VSTM4: variants seen among roughly 807,000 people sequenced by gnomAD.
VSTM4 encodes V-set and transmembrane domain containing 4, also known as V-set and transmembrane domain-containing protein 4.
VSTM4 carries 20 observed loss-of-function variants against 36.4 expected under a neutral mutation model. That is an observed-to-expected ratio of 0.55 (90% CI 0.39 to 0.80). The LOEUF (loss-of-function observed/expected upper bound fraction) is 0.80, where lower values mean the gene tolerates loss of function less well. VSTM4 is among the 30% of genes least tolerant of loss of function. The pLI, the probability that VSTM4 is intolerant of heterozygous loss-of-function variation, is 0.00. For synonymous variants in VSTM4, 182 were observed against 173.9 expected, an observed-to-expected ratio of 1.05 and a Z score of -0.37; for missense variants, 392 against 404.5, an observed-to-expected ratio of 0.97 and a Z score of 0.26.
intron 5 of VSTM4, among the ~76,000 whole-genome samples, chr10:49,063,214 C>T (rs1843913323): frequency 6.6e-6 from 1 of 151,876 alleles, no homozygotes; most frequent in African/African-American, 2.4e-5. Flanking sequence ...GTGGTGGGTG[C>T]CTGTAATCCC....
chr10:49,038,616 G>A (rs1465588147), intron 7 of VSTM4, among the ~76,000 whole-genome samples: 9 of 152,124 alleles, frequency 5.9e-5, no homozygotes, highest in African/African-American at 1.7e-4. Context: ...ATTTTACCAC[G>A]ATTTAGCTTC....
At chr10:49,081,397 T>G (rs1039132402) in intron 3 of VSTM4, among the ~76,000 whole-genome samples, 1 of 152,230 alleles carries the variant, frequency 6.6e-6, no homozygotes, top group Non-Finnish European at 1.5e-5. Flanking sequence ...AAAGCTTCCA[T>G]GCCCATGGAG....
chr10:49,100,099 T>A (rs1844640943), intron 2 of VSTM4, among the ~76,000 whole-genome samples: 2 of 152,204 alleles, frequency 1.3e-5, no homozygotes, highest in African/African-American at 2.4e-5. Flanking sequence ...CAATCCCAGT[T>A]GTTTTTTTGA....
intron 1 of VSTM4, among the ~76,000 whole-genome samples, chr10:49,109,746 G>A (rs1307256599): frequency 2.0e-5 from 3 of 152,156 alleles, no homozygotes; most frequent in Admixed American, 1.3e-4. Flanking sequence ...ACAGTGATGC[G>A]GGAGATACTT....
intron 3 of VSTM4, among the ~76,000 whole-genome samples, chr10:49,083,075 C>G (rs1021943019): frequency 1.3e-5 from 2 of 152,264 alleles, no homozygotes; most frequent in African/African-American, 2.4e-5. Flanking sequence ...TGCCCCTCAG[C>G]AGAGTCCAGG....
At chr10:49,091,103 C>A (rs952895115) in intron 2 of VSTM4, among the ~76,000 whole-genome samples, 3 of 152,212 alleles carry the variant, frequency 2.0e-5, no homozygotes, top group Non-Finnish European at 4.4e-5. Flanking sequence ...CAGCTGTTAT[C>A]GGAACTAAAG....
intron 4 of VSTM4, among the ~76,000 whole-genome samples, chr10:49,076,676 A>T (rs569866588): frequency 6.6e-6 from 1 of 152,222 alleles, no homozygotes; most frequent in East Asian, 1.9e-4. Flanking sequence ...CCTGAGAGGA[A>T]GGCAGGAAGG....
intron 5 of VSTM4, among the ~76,000 whole-genome samples, chr10:49,061,933 C>G (rs911043318): frequency 6.6e-6 from 1 of 152,122 alleles, no homozygotes; most frequent in Non-Finnish European, 1.5e-5. Context: ...TGGTTATTTC[C>G]TGTAATTCTC....
intron 5 of VSTM4, among the ~76,000 whole-genome samples, chr10:49,053,898 C>G (rs977157459): frequency 6.6e-6 from 1 of 152,208 alleles, no homozygotes; most frequent in African/African-American, 2.4e-5. Flanking sequence ...GGCAGCCACT[C>G]CAGAACACCA....
At chr10:49,064,803 TACA>T in intron 4 of VSTM4, 67 bp from the exon 5 acceptor site, 2 of 1,540,128 alleles carry the variant, frequency 1.3e-6, no homozygotes, top group Non-Finnish European at 8.9e-7. Flanking sequence ...CTCCAGGAAT[TACA>T]AGGAAATGCC....
chr10:49,061,503 A>C (rs972906007), intron 5 of VSTM4, among the ~76,000 whole-genome samples: 3 of 152,174 alleles, frequency 2.0e-5, no homozygotes, highest in African/African-American at 7.2e-5. Context: ...AACCAAAACT[A>C]TAGATTTAGC....
At chr10:49,062,535 A>C (rs528908410) in intron 5 of VSTM4, among the ~76,000 whole-genome samples, 59 of 152,350 alleles carry the variant, frequency 3.9e-4, no homozygotes, top group African/African-American at 1.4e-3. Context: ...ATGCACTGTC[A>C]TTCAACTTTG....
chr10:49,029,293 GT>G (rs1843310316), intron 7 of VSTM4, among the ~76,000 whole-genome samples: 1 of 152,220 alleles, frequency 6.6e-6, no homozygotes, highest in Admixed American at 6.5e-5. Context: ...GAGTTCTATG[GT>G]GTATATGTTA....
chr10:49,101,768 G>A (rs1486130593), intron 2 of VSTM4, among the ~76,000 whole-genome samples: 1 of 152,162 alleles, frequency 6.6e-6, no homozygotes, highest in Non-Finnish European at 1.5e-5. Context: ...AGATACACTT[G>A]GAAAGATGTA....
intron 7 of VSTM4, among the ~76,000 whole-genome samples, chr10:49,044,526 GA>G (rs144421398): frequency 0.18 from 26,654 of 144,784 alleles, 2,648 homozygotes; most frequent in Non-Finnish European, 0.23. Flanking sequence ...AAGAAAGAAA[GA>G]AAAAGAAAGA....
intron 5 of VSTM4, among the ~76,000 whole-genome samples, chr10:49,056,528 C>T (rs1315753624): frequency 6.6e-6 from 1 of 152,250 alleles, no homozygotes; most frequent in Non-Finnish European, 1.5e-5. Context: ...AGAGAGATGA[C>T]TCATTCACAA....
intron 2 of VSTM4, among the ~76,000 whole-genome samples, chr10:49,088,532 G>C (rs1373860377): frequency 1.3e-5 from 2 of 152,246 alleles, no homozygotes; most frequent in Non-Finnish European, 2.9e-5. Flanking sequence ...CCCTGAGATT[G>C]AAAGAGCCAG....
chr10:49,104,415 C>A (rs80311753), intron 2 of VSTM4, among the ~76,000 whole-genome samples: 2 of 152,154 alleles, frequency 1.3e-5, no homozygotes, highest in Admixed American at 6.5e-5. Context: ...TGCAGCCATG[C>A]GCCTCTCCTG....
At chr10:49,077,350 G>A in intron 3 of VSTM4, 24 bp from the exon 4 acceptor site, 1 of 1,611,658 alleles carries the variant, frequency 6.2e-7, no homozygotes, top group Non-Finnish European at 8.5e-7. Flanking sequence ...ACAGACACGT[G>A]AGTCAGCCTT....
Sources: allele counts gnomAD v4.1 joint callset (sites outside exome capture counted in the v4.1 genomes callset), GRCh38; gene constraint gnomAD v4.1.1; transcripts MANE v1.5; gene names NCBI Gene and HGNC (gene_info 2026-07-23, HGNC 2026-07-21).